Variants in NBEA observed in about 807,000 individuals in gnomAD.
NBEA encodes neurobeachin.
NBEA carries 44 observed loss-of-function variants against 343.4 expected under a neutral mutation model. The ratio of observed to expected loss-of-function variants is 0.13; its 90% CI spans 0.10 to 0.16. The LOEUF (loss-of-function observed/expected upper bound fraction) is 0.16. Ranked by LOEUF, NBEA falls within the 10% of genes least tolerant of loss-of-function variation. The pLI, the probability that NBEA is intolerant of heterozygous loss-of-function variation, is 1.00. For missense variants in NBEA, 2,555 were observed against 3,631.3 expected, an observed-to-expected ratio of 0.70 and a Z score of 7.62; for synonymous variants, 1,175 against 1,238.7, an observed-to-expected ratio of 0.95 and a Z score of 1.08.
intron 27 of NBEA, 43 bp downstream of exon 27, chr13:35,173,637 A>C: frequency 6.4e-7 from 1 of 1,572,254 alleles, no homozygotes; most frequent in South Asian, 1.2e-5. Context: ...TTTACCTGAA[A>C]AAAATCTTTT....
intron 1 of NBEA, among the ~76,000 whole-genome samples, chr13:35,037,768 C>T (rs1052336453): frequency 1.3e-5 from 2 of 152,204 alleles, no homozygotes; most frequent in Non-Finnish European, 2.9e-5. Flanking sequence ...TGACCACCAC[C>T]ACCATGGCTG....
At chr13:35,008,587 G>A (rs1423925862) in intron 1 of NBEA, among the ~76,000 whole-genome samples, 3 of 152,148 alleles carry the variant, frequency 2.0e-5, no homozygotes, top group Admixed American at 2.0e-4. Context: ...TATGCATACA[G>A]AGGGCATAAT....
intron 48 of NBEA, among the ~76,000 whole-genome samples, chr13:35,626,797 T>A (rs2083250313): frequency 6.6e-6 from 1 of 152,190 alleles, no homozygotes; most frequent in African/African-American, 2.4e-5. Context: ...TCCTGTGTTC[T>A]ACTCTGAACT....
intron 10 of NBEA, among the ~76,000 whole-genome samples, chr13:35,089,262 C>G (rs2064940093): frequency 1.4e-5 from 2 of 138,058 alleles, no homozygotes; most frequent in Non-Finnish European, 1.6e-5. Flanking sequence ...CATGAACAGA[C>G]ACTTCTCAAA....
chr13:35,078,332 A>G (rs1370145749), intron 10 of NBEA, among the ~76,000 whole-genome samples: 1 of 152,210 alleles, frequency 6.6e-6, no homozygotes, highest in Non-Finnish European at 1.5e-5. Flanking sequence ...TGGTAGCCTC[A>G]TAAAACAACA....
chr13:34,969,263 A>G (rs527628735), intron 1 of NBEA, among the ~76,000 whole-genome samples: 2 of 152,020 alleles, frequency 1.3e-5, no homozygotes, highest in African/African-American at 4.8e-5. Context: ...GAAATTCGAC[A>G]CTTACTGCTG....
intron 41 of NBEA, among the ~76,000 whole-genome samples, chr13:35,503,225 ATAT>A (rs2076953299): frequency 1.3e-5 from 2 of 151,766 alleles, no homozygotes; most frequent in Non-Finnish European, 2.9e-5. Context: ...AAATACTTAA[ATAT>A]TATAGTGTAG....
At chr13:35,594,142 C>A (rs970221948) in intron 47 of NBEA, among the ~76,000 whole-genome samples, 4 of 151,550 alleles carry the variant, frequency 2.6e-5, no homozygotes, top group Non-Finnish European at 5.9e-5. Context: ...ATTTTTTTTC[C>A]TGATAATAAG....
intron 36 of NBEA, among the ~76,000 whole-genome samples, chr13:35,333,086 T>C (rs1160000894): frequency 5.9e-5 from 9 of 152,088 alleles, no homozygotes; most frequent in Admixed American, 5.9e-4. Flanking sequence ...CTTCTTGTTA[T>C]CACCAGAAAC....
chr13:35,319,287 G>T (rs762106541), intron 36 of NBEA, among the ~76,000 whole-genome samples: 1 of 152,074 alleles, frequency 6.6e-6, no homozygotes, highest in African/African-American at 2.4e-5. Context: ...CAGAGATTCT[G>T]GTACATTGTG....
intron 49 of NBEA, among the ~76,000 whole-genome samples, chr13:35,645,248 T>C (rs996234530): frequency 1.3e-5 from 2 of 152,174 alleles, no homozygotes; most frequent in African/African-American, 4.8e-5. Context: ...TGCAACCAAA[T>C]TGCACACAAT....
At chr13:35,399,016 T>G (rs1354148279) in intron 38 of NBEA, among the ~76,000 whole-genome samples, 1 of 152,166 alleles carries the variant, frequency 6.6e-6, no homozygotes, top group Non-Finnish European at 1.5e-5. Context: ...TATAACTTGC[T>G]GCAGCTTCTA....
chr13:35,061,912 T>C (rs2063481283), intron 8 of NBEA, among the ~76,000 whole-genome samples: 2 of 151,684 alleles, frequency 1.3e-5, no homozygotes, highest in African/African-American at 2.4e-5. Flanking sequence ...TGGACTGATA[T>C]CCTTATTTTT....
chr13:35,313,056 G>A (rs575553564), intron 36 of NBEA, among the ~76,000 whole-genome samples: 1 of 152,278 alleles, frequency 6.6e-6, no homozygotes, highest in South Asian at 2.1e-4. Context: ...TGCTCAGAGA[G>A]AGTGAATAGA....
chr13:35,201,729 A>G (rs2073035224), intron 31 of NBEA, among the ~76,000 whole-genome samples: 1 of 152,098 alleles, frequency 6.6e-6, no homozygotes. Context: ...AATCCTATTT[A>G]AATGAAATGG....
intron 38 of NBEA, among the ~76,000 whole-genome samples, chr13:35,388,140 A>C (rs2042334855): frequency 6.6e-6 from 1 of 152,122 alleles, no homozygotes; most frequent in Non-Finnish European, 1.5e-5. Flanking sequence ...CCTACCTACT[A>C]GGTAACCTTT....
At chr13:35,094,634 A>G (rs1351189396) in intron 10 of NBEA, among the ~76,000 whole-genome samples, 1 of 152,002 alleles carries the variant, frequency 6.6e-6, no homozygotes, top group African/African-American at 2.4e-5. Context: ...GTGGACTTGA[A>G]TTGATTAACG....
intron 45 of NBEA, among the ~76,000 whole-genome samples, chr13:35,582,005 G>A (rs919878205): frequency 3.6e-4 from 55 of 151,828 alleles, no homozygotes; most frequent in Non-Finnish European, 4.4e-4. Context: ...CATTACTTTC[G>A]GCCAGGCATG....
chr13:34,976,903 G>A (rs1275554734), intron 1 of NBEA, among the ~76,000 whole-genome samples: 2 of 149,016 alleles, frequency 1.3e-5, no homozygotes, highest in Non-Finnish European at 3.0e-5. Context: ...GTAGTTAAAT[G>A]CTATTTTGCT....
Sources: allele counts gnomAD v4.1 joint callset (sites outside exome capture counted in the v4.1 genomes callset), GRCh38; gene constraint gnomAD v4.1.1; transcripts MANE v1.5; gene names NCBI Gene and HGNC (gene_info 2026-07-23, HGNC 2026-07-21).